The following ESRP2 variants were observed in gnomAD, a reference collection of about 807,000 sequenced individuals.
The protein encoded by ESRP2 is RNA binding motif protein 35A.
ESRP2 carries 48 observed loss-of-function variants against 78.6 expected under a neutral mutation model. The observed-to-expected ratio is 0.61, with a 90% CI of 0.48 to 0.78. ESRP2 has a LOEUF of 0.78. Among genes scored for constraint, ESRP2 ranks in the 30% least tolerant of loss-of-function variants. The pLI is 0.00. For missense variants in ESRP2, 863 were observed against 965.9 expected (o/e 0.89, Z 1.41); for synonymous variants, 383 against 406.7 (o/e 0.94, Z 0.70).
chr16:68,232,016 G>A lies in ESRP2; in HGVS notation c.1085C>T (p.Thr362Met), dbSNP rs769751021. Residue 362 changes from threonine to methionine, a missense_variant, in exon 10 of 15, where the codon ACG (threonine) becomes ATG (methionine). By Grantham distance (81) the Thr-to-Met change is moderately conservative. Transcript: ENST00000473183. This position sits in a 1 kb window ranked among gnomAD's most constrained non-coding sequence, Gnocchi z 5.2. ...LRGLPFSAGP[T>M]DVLGFLGPEC... ...TGGCCCCAGGAAGCCAAGCACGTCC[G>A]TTGGCCCAGCCGAGAAGGGCAGTCC... 2.6e-5 allele frequency: 42 copies of A among 1,613,914 alleles called. No individual in the cohort carries two copies. Among genetic ancestry groups the A allele is most frequent in the Non-Finnish European group, 3.2e-5 (38 of 1,180,014 alleles).
At chr16:68,233,100 T>TA (rs2042168740) in intron 5 of ESRP2, 2 of 610,538 alleles carry the variant, frequency 3.3e-6, no homozygotes, top group Non-Finnish European at 2.9e-6. Context: ...TCTGGAGGCT[T>TA]AGACAGGAGA....
chr16:68,233,938 G>T (rs2042185547), intron 3 of ESRP2, 56 bp from the exon 4 acceptor site: 1 of 1,603,202 alleles, frequency 6.2e-7, no homozygotes, highest in Non-Finnish European at 8.5e-7. Context: ...GACAAGAGGG[G>T]TTCTGGGAAC....
chr16:68,233,705 ACATACTCAGACACATG>A, intron 4 of ESRP2, 47 bp downstream of exon 4: 1 of 1,217,024 alleles, frequency 8.2e-7, no homozygotes, highest in Non-Finnish European at 1.2e-6. Flanking sequence ...CACAGCATGC[ACATACTCAGACACATG>A]TACCCACAGT....
chr16:68,231,145 GCCT>G lies in ESRP2; in HGVS notation c.1711+30_1711+32del, dbSNP rs1471600924. ...GCTTACAACAGCCTGGCTACCACAG[GCCT>G]CCTCCTCCCCTAGCCCCTAGGGCAC... On this transcript the variant is annotated intron_variant, in intron 12 of 14. Coordinates refer to ENST00000473183, the MANE Select transcript of ESRP2 (RefSeq NM_024939.3). This position sits in a 1 kb window ranked among gnomAD's most constrained non-coding sequence, Gnocchi z 6.0. 2 of 1,611,386 alleles carry G rather than the reference GCCT, an allele frequency of 1.2e-6. No homozygotes were observed. The highest frequency in any genetic ancestry group is 1.7e-6 in the Non-Finnish European group (2 of 1,178,802).
chr16:68,234,638 G>A (rs532820188), intron 2 of ESRP2: 1 of 153,480 alleles, frequency 6.5e-6, no homozygotes, highest in Admixed American at 6.5e-5. Context: ...ACATCCTATT[G>A]ACCGGCTGGC....
Position 68,231,347 on chromosome 16 carries a change from C to G in ESRP2, c.1542G>C (p.Gln514His). 6.2e-7 allele frequency: 1 copy of G among 1,614,158 alleles called. No homozygotes were observed. The highest frequency in any genetic ancestry group is 8.5e-7 in the Non-Finnish European group (1 of 1,180,012). ...CTAGGGCTCGCTCTGCTGATGTCAT[C>G]TGAATGAAGGCATCGCCCGATGGCC... is the stretch of plus-strand genomic sequence containing the variant. ...QGRPSGDAFI[Q>H]MTSAERALAA... The change falls in exon 12 of 15, where the codon CAG becomes CAC. Residue 514 changes from glutamine to histidine, a missense_variant. Physicochemically the swap from Gln to His is conservative, Grantham distance 24. Coordinates refer to ENST00000473183, the MANE Select transcript of ESRP2 (RefSeq NM_024939.3). This position sits in a 1 kb window ranked among gnomAD's most constrained non-coding sequence, Gnocchi z 6.0.
Position 68,232,224 on chromosome 16 carries a change from GCCCTGTTT to G in ESRP2, c.997+14_997+21del. 1 of 1,614,074 alleles carries G rather than the reference GCCCTGTTT, an allele frequency of 6.2e-7. No homozygotes were observed. The highest frequency in any genetic ancestry group is 1.3e-5 in the African/African-American group (1 of 75,004). On this transcript the variant is annotated intron_variant, in intron 9 of 14. Transcript: ENST00000473183. This position sits in a 1 kb window ranked among gnomAD's most constrained non-coding sequence, Gnocchi z 5.2. Reference sequence around the variant, plus strand: ...ATGGATCAAGAACCAGGGGAGCCAGGCCCTGTTTGCAGTATACTCACCCCCTGCAATCT... The same window carrying G: ...ATGGATCAAGAACCAGGGGAGCCAGGGCAGTATACTCACCCCCTGCAATCT...
intron 2 of ESRP2, 45 bp from the exon 3 acceptor site, chr16:68,234,152 T>TGGGC (rs1289396882): frequency 6.8e-7 from 1 of 1,465,352 alleles, no homozygotes; most frequent in East Asian, 2.4e-5. Context: ...GATTCACAGC[T>TGGGC]GGGCAGGCAG....
Position 68,231,678 on chromosome 16 carries a change from G to T in ESRP2, c.1316C>A (p.Ala439Glu). Residue 439 changes from alanine to glutamate, a missense_variant, in exon 11 of 15, where the codon GCA becomes GAA. Ala to Glu is a moderately radical substitution (Grantham distance 107). Transcript: ENST00000473183. This position sits in a 1 kb window ranked among gnomAD's most constrained non-coding sequence, Gnocchi z 6.0. ...CAGTGTAGGAAGGAGTGGGCCGGAT[G>T]CATAGCGGTTCAAGACCTAGTAAGG... is the stretch of plus-strand genomic sequence containing the variant. Reference protein sequence around the residue: ...AEVQQVLNRYASGPLLPTLTA... With the variant: ...AEVQQVLNRYESGPLLPTLTA... 1 of 1,609,612 alleles carries T rather than the reference G, an allele frequency of 6.2e-7. No homozygotes were observed. The highest frequency in any genetic ancestry group is 1.1e-5 in the South Asian group (1 of 90,514).
In ESRP2 at chr16:68,235,778, G is replaced by T. The variant is rs760354415; in HGVS notation, c.199-16C>A. ...GCGTCCCCACCTGTGAGCGGCGGGG[G>T]AAACCGATCAGCCGCGCCCCTCGAC... On this transcript the variant is annotated splice_polypyrimidine_tract_variant and intron_variant, in intron 1 of 14. Transcript: ENST00000473183. The surrounding 1 kb of genome is among the most constrained non-coding windows in gnomAD (Gnocchi z 5.5). 2.3e-5 allele frequency: 37 copies of T among 1,609,076 alleles called. No individual in the cohort carries two copies. The African/African-American group carries it at 4.4e-4, about 19-fold the overall frequency.
chr16:68,231,475 G>T lies in ESRP2; in HGVS notation c.1512+7C>A. ...TATGTGTTCCCCCTACCAAGCAGTGGCTTCACCTGCTGGTTGAGCACCATG... is the reference window on the plus strand; with the variant it reads ...TATGTGTTCCCCCTACCAAGCAGTGTCTTCACCTGCTGGTTGAGCACCATG... On this transcript the variant is annotated splice_region_variant and intron_variant, in intron 11 of 14. Transcript: ENST00000473183. The surrounding 1 kb of genome is among the most constrained non-coding windows in gnomAD (Gnocchi z 6.0). 1 of 1,613,990 alleles carries T rather than the reference G, an allele frequency of 6.2e-7. No individual in the cohort carries two copies. The highest frequency in any genetic ancestry group is 1.1e-5 in the South Asian group (1 of 91,082).
rs773310955 is a variant in ESRP2 at position 68,230,905 on chromosome 16, G to A, written c.1834C>T (p.Pro612Ser). ...PAARVPAAPT[P>S]VAYYPGPATQ... ...GCTGGCCCTGGATAGTAGGCAACAG[G>A]GGTGGGGGCAGCAGGCACCCTGGCA... Residue 612 changes from proline to serine, a missense_variant, in exon 13 of 15, where the codon CCT becomes TCT. By Grantham distance (74) the Pro-to-Ser change is moderately conservative. Transcript: ENST00000473183. 15 of 1,613,934 alleles carry A rather than the reference G, an allele frequency of 9.3e-6. No homozygotes were observed. The highest frequency in any genetic ancestry group is 1.2e-5 in the Non-Finnish European group (14 of 1,179,974).
At position 68,235,118 on chromosome 16, in the gene ESRP2, C is replaced by T; in HGVS notation, c.327+516G>A. On this transcript the variant is annotated intron_variant, in intron 2 of 14. Transcript: ENST00000473183. This position sits in a 1 kb window ranked among gnomAD's most constrained non-coding sequence, Gnocchi z 5.5. The stretch of plus-strand genomic sequence containing the variant: ...TCCCCCAGGCCAGGCCGGGACAGCG[C>T]CCACGCCTGGCCAGCCGGCCGGGAC... 2.0e-6 allele frequency: 2 copies of T among 991,462 alleles called. No individual in the cohort carries two copies. The highest frequency in any genetic ancestry group is 9.1e-5 in the South Asian group (2 of 21,988). The allele number at this position is 991,462 out of a possible 1,614,324, so 61.4% of individuals were successfully genotyped here. A position where few individuals can be genotyped will look rare whatever the true frequency, so the allele number is the denominator to read the frequency against.
chr16:68,233,993 C>T lies in ESRP2; in HGVS notation c.441+1G>A, dbSNP rs1277348056. ...CACCCGGTTTTCCTTCAGGAGCATACCTTCCTGGAGGCCTCGGGGTGCAGG... is the reference window on the plus strand; with the variant it reads ...CACCCGGTTTTCCTTCAGGAGCATATCTTCCTGGAGGCCTCGGGGTGCAGG... On this transcript the variant is annotated splice_donor_variant, in intron 3 of 14. Transcript: ENST00000473183. LOFTEE classifies it high-confidence loss of function. The T allele has an allele frequency of 1.2e-6, 2 of 1,613,616 alleles. No individual in the cohort carries two copies. The highest frequency in any genetic ancestry group is 8.5e-7 in the Non-Finnish European group (1 of 1,179,622).
rs1356696030 is a variant in ESRP2 at position 68,235,995 on chromosome 16, G to T, written c.51C>A (p.Ala17=). ...AGGGGCAGGGGTCCGCGGCGGGGTC[G>T]GCCGCGGGGTCAGGGCCCGGGGGAG... ...PPPPPGPDPA[A]DPAADPCPWP... The change falls in exon 1 of 15, where the codon GCC becomes GCA. Residue 17 remains alanine, a synonymous_variant. Coordinates refer to ENST00000473183, the MANE Select transcript of ESRP2 (RefSeq NM_024939.3). This position sits in a 1 kb window ranked among gnomAD's most constrained non-coding sequence, Gnocchi z 5.5. The T allele has an allele frequency of 1.2e-5, 19 of 1,571,374 alleles. No individual in the cohort carries two copies. The highest frequency in any genetic ancestry group is 1.6e-5 in the Non-Finnish European group (19 of 1,161,578).
At position 68,235,199 on chromosome 16, in the gene ESRP2, C is replaced by T; in HGVS notation, c.327+435G>A. 4 of 985,394 alleles carry T rather than the reference C, an allele frequency of 4.1e-6. No individual in the cohort carries two copies. The highest frequency in any genetic ancestry group is 4.8e-6 in the Non-Finnish European group (4 of 829,932). 61.0% of individuals were successfully genotyped at this position (985,394 alleles called of 1,614,324 possible). ...CGTCTACCTCTAGGGCCGACACCGC[C>T]CTACGCCTCCGCTCCAGCAGCTCCC... On this transcript the variant is annotated intron_variant, in intron 2 of 14. Coordinates refer to ENST00000473183, the MANE Select transcript of ESRP2 (RefSeq NM_024939.3). The surrounding 1 kb of genome is among the most constrained non-coding windows in gnomAD (Gnocchi z 5.5).
chr16:68,233,394 A>C lies in ESRP2; in HGVS notation c.588T>G (p.Asp196Glu). 6.2e-7 allele frequency: 1 copy of C among 1,614,122 alleles called. No individual in the cohort carries two copies. The highest frequency in any genetic ancestry group is 8.5e-7 in the Non-Finnish European group (1 of 1,179,966). Residue 196 changes from aspartate to glutamate, a missense_variant, in exon 5 of 15, where the codon GAT (aspartate) becomes GAG (glutamate). Physicochemically the swap from Asp to Glu is conservative, Grantham distance 45 (BLOSUM62 2). Transcript: ENST00000473183. ...TCTTGACTTCCCAGACCCCAAAGTC[A>C]TCCTCTGTGGCATCTGTCTCCAGTC... is the stretch of plus-strand genomic sequence containing the variant. Reference protein sequence around the residue: ...GLGLETDATEDDFGVWEVKTM... With the variant: ...GLGLETDATEEDFGVWEVKTM...
At position 68,232,388 on chromosome 16, in the gene ESRP2, C is replaced by G. The variant is rs1233166891; in HGVS notation, c.937G>C (p.Gly313Arg). Residue 313 changes from glycine (G) to arginine (R), a missense_variant, in exon 8 of 15, where the codon GGC (glycine) becomes CGC (arginine). Transcript: ENST00000473183. This position sits in a 1 kb window ranked among gnomAD's most constrained non-coding sequence, Gnocchi z 5.2. The part of the protein sequence containing the change: ...LALQRHKHHM[G>R]VRYIEVYKAT... ...AGCCCCACCTCAATATAGCGGACGCCCATGTGGTGCTTGTGTCTCTGCAGC... is the reference window on the plus strand; with the variant it reads ...AGCCCCACCTCAATATAGCGGACGCGCATGTGGTGCTTGTGTCTCTGCAGC... 4 of 1,613,978 alleles carry G rather than the reference C, an allele frequency of 2.5e-6. No homozygotes were observed. The African/African-American group carries it at 5.3e-5, about 22-fold the overall frequency.
In ESRP2 at chr16:68,231,009, T is replaced by A. The variant is rs2042127383; in HGVS notation, c.1730A>T (p.Tyr577Phe). Reference protein sequence around the residue: ...CKLPCLSPPTYTTFQATPTLI... With the variant: ...CKLPCLSPPTFTTFQATPTLI... ...CGTTGGGGTGGCTTGGAAGGTGGTG[T>A]AGGTAGGTGGTGAGAGGCCTAGAGA... The change falls in exon 13 of 15, where the codon TAC (tyrosine) becomes TTC (phenylalanine). Residue 577 changes from tyrosine to phenylalanine, a missense_variant. Coordinates refer to ENST00000473183, the MANE Select transcript of ESRP2 (RefSeq NM_024939.3). This position sits in a 1 kb window ranked among gnomAD's most constrained non-coding sequence, Gnocchi z 6.0. The A allele has an allele frequency of 6.3e-7, 1 of 1,595,480 alleles. No homozygotes were observed.
Sources: gnomAD v4.1 joint callset for allele counts on GRCh38, gnomAD v4.1.1 for gene constraint, Gnocchi (gnomAD v3.1) non-coding constraint, MANE v1.5 for transcripts, NCBI Gene and HGNC (gene_info 2026-07-23, HGNC 2026-07-21) for gene names.